Variants in WHAMM observed in about 807,000 individuals in gnomAD.
The protein encoded by WHAMM is WASP homolog-associated protein with actin, membranes and microtubules.
Under a neutral mutation model 76.5 loss-of-function variants are expected in WHAMM, and 67 were observed. The observed-to-expected ratio is 0.88, with a 90% CI of 0.72 to 1.07. WHAMM has a LOEUF of 1.07. Ranked by LOEUF, WHAMM falls within the 50% of genes least tolerant of loss-of-function variation. WHAMM has a pLI of 0.00. For missense variants in WHAMM, 1,021 were observed against 1,051.1 expected, an observed-to-expected ratio of 0.97 and a Z score of 0.40; for synonymous variants, 419 against 422.1, an observed-to-expected ratio of 0.99 and a Z score of 0.09.
At chr15:82,826,214 A>G (rs1290877363) in intron 6 of WHAMM, among the ~76,000 whole-genome samples, 196 bp from the exon 7 acceptor site, 1 of 152,242 alleles carries the variant, frequency 6.6e-6, no homozygotes, top group African/African-American at 2.4e-5. Context: ...TCTGCTGGGA[A>G]CAAATTATTT....
intron 1 of WHAMM, chr15:82,810,696 A>G: frequency 1.0e-6 from 1 of 985,492 alleles, no homozygotes; most frequent in Non-Finnish European, 1.2e-6. Flanking sequence ...AGGAAAGAAT[A>G]ACACGGACTA....
At position 82,830,926 on chromosome 15, in the gene WHAMM, C is replaced by G; in HGVS notation, c.1969C>G (p.Pro657Ala). The change falls in exon 9 of 10, where the codon CCT (proline) becomes GCT (alanine). Residue 657 changes from proline (P) to alanine (A), a missense_variant. Pro to Ala is a conservative substitution (Grantham distance 27). Around this residue, in one of 3 missense-constraint regions of WHAMM, gnomAD observed 509 missense variants for 492.3 expected, o/e 1.03. Transcript: ENST00000286760. ...PPPPPPPPPP[P>A]PLRALSSSSQ... ...ACCGCCGCCACCGCCGCCCCCACCC[C>G]CTCCTCTCCGTGCTCTGTCCTCATC... is the stretch of plus-strand genomic sequence containing the variant. 1.2e-6 allele frequency: 2 copies of G among 1,608,924 alleles called. No individual in the cohort carries two copies. Among genetic ancestry groups the G allele is most frequent in the South Asian group, 1.1e-5 (1 of 90,586 alleles).
At chr15:82,815,807 G>C (rs181939860) in intron 2 of WHAMM, among the ~76,000 whole-genome samples, 97 of 152,264 alleles carry the variant, frequency 6.4e-4, no homozygotes, top group African/African-American at 2.2e-3. Flanking sequence ...GTAATTCCTT[G>C]TCGGCTAACT....
At chr15:82,816,627 C>A in intron 2 of WHAMM, 65 bp from the exon 3 acceptor site, 1 of 1,452,434 alleles carries the variant, frequency 6.9e-7, no homozygotes, top group East Asian at 2.5e-5. Context: ...AATTTCCTTT[C>A]AATTTCCTAA....
intron 8 of WHAMM, among the ~76,000 whole-genome samples, chr15:82,829,659 G>T (rs2050994745): frequency 6.6e-6 from 1 of 151,254 alleles, no homozygotes; most frequent in Admixed American, 6.6e-5. Context: ...GATTGCATGG[G>T]GTGTGTGTGT....
chr15:82,824,013 G>T (rs1013491211), intron 6 of WHAMM, among the ~76,000 whole-genome samples: 1 of 151,926 alleles, frequency 6.6e-6, no homozygotes, highest in East Asian at 1.9e-4. Flanking sequence ...TATATTTGGT[G>T]ATTTTTTTTC....
chr15:82,831,293 TTTGAAG>T (rs1300502851), intron 9 of WHAMM, among the ~76,000 whole-genome samples: 1 of 152,212 alleles, frequency 6.6e-6, no homozygotes, highest in Non-Finnish European at 1.5e-5. Flanking sequence ...GTTAATTCAG[TTTGAAG>T]AAACCATCTC....
chr15:82,827,302 TTC>T (rs2050951997), intron 8 of WHAMM, among the ~76,000 whole-genome samples: 1 of 152,134 alleles, frequency 6.6e-6, no homozygotes, highest in Admixed American at 6.5e-5. Flanking sequence ...ATCTACAACT[TTC>T]TTTTTTCTTT....
At chr15:82,811,117 G>T (rs747849935) in intron 1 of WHAMM, among the ~76,000 whole-genome samples, 3 of 152,202 alleles carry the variant, frequency 2.0e-5, no homozygotes, top group Non-Finnish European at 4.4e-5. Flanking sequence ...GTGAAGAGAA[G>T]AATTCAGCCT....
intron 7 of WHAMM, 55 bp downstream of exon 7, chr15:82,826,551 C>G: frequency 1.3e-6 from 2 of 1,596,828 alleles, no homozygotes; most frequent in South Asian, 1.1e-5. Context: ...ACATGCAGGC[C>G]TAGACTTGTG....
chr15:82,828,568 A>G (rs773414362), intron 8 of WHAMM, among the ~76,000 whole-genome samples: 3 of 152,200 alleles, frequency 2.0e-5, no homozygotes, highest in Non-Finnish European at 4.4e-5. Flanking sequence ...AAGGGATCCA[A>G]GGGCAACCAG....
chr15:82,826,131 A>G (rs904627192), intron 6 of WHAMM, among the ~76,000 whole-genome samples: 4 of 152,206 alleles, frequency 2.6e-5, no homozygotes, highest in African/African-American at 9.6e-5. Flanking sequence ...GTTGGGACAC[A>G]TCCCATTTAA....
chr15:82,816,879 AATTG>A, intron 3 of WHAMM, 37 bp downstream of exon 3: 2 of 1,530,948 alleles, frequency 1.3e-6, no homozygotes, highest in Non-Finnish European at 1.8e-6. Context: ...AGATACATGT[AATTG>A]ATTATCATTT....
intron 5 of WHAMM, among the ~76,000 whole-genome samples, chr15:82,821,269 T>A (rs1177231067): frequency 1.3e-5 from 2 of 152,220 alleles, no homozygotes; most frequent in Admixed American, 6.5e-5. Context: ...GTTTATCAAT[T>A]TTTTTCCCCA....
In WHAMM at chr15:82,810,245, G is replaced by C. The variant is rs1254369074; in HGVS notation, c.519G>C (p.Glu173Asp). The C allele has an allele frequency of 5.7e-6, 8 of 1,396,834 alleles. No individual in the cohort carries two copies. The highest frequency in any genetic ancestry group is 3.0e-5 in the African/African-American group (2 of 66,208). The allele number at this position is 1,396,834 out of a possible 1,614,324, so 86.5% of individuals were successfully genotyped here. Residue 173 changes from glutamate to aspartate, a missense_variant, in exon 1 of 10, where the codon GAG (glutamate) becomes GAC (aspartate). Physicochemically the swap from Glu to Asp is conservative, Grantham distance 45. Coordinates refer to ENST00000286760, the MANE Select transcript of WHAMM (RefSeq NM_001080435.3). Reference protein sequence around the residue: ...ATVRDALFPAEGGAADCESPR... With the variant: ...ATVRDALFPADGGAADCESPR... ...TGCGCGACGCACTCTTCCCGGCTGA[G>C]GGCGGCGCGGCCGACTGCGAAAGCC... is the stretch of plus-strand genomic sequence containing the variant.
intron 7 of WHAMM, 114 bp downstream of exon 7, chr15:82,826,610 T>G (rs1411999286): frequency 1.5e-5 from 24 of 1,581,212 alleles, no homozygotes; most frequent in Non-Finnish European, 1.5e-5. Context: ...GCCATTAGCC[T>G]CCAGGTCTGC....
In WHAMM at chr15:82,823,212, C is replaced by A; in HGVS notation, c.1383C>A (p.Leu461=). The A allele has an allele frequency of 6.3e-7, 1 of 1,588,744 alleles. No homozygotes were observed. Among genetic ancestry groups the A allele is most frequent in the Non-Finnish European group, 8.6e-7 (1 of 1,164,958 alleles). The part of the protein sequence containing the change: ...QDDKNLEVKE[L]RRQCQQLESK... ...ATAAGAATTTGGAAGTGAAAGAACT[C>A]AGAAGGCAGTGCCAGCAGCTGGAGT... Residue 461 remains leucine, a synonymous_variant, in exon 6 of 10, where the codon CTC becomes CTA. Coordinates refer to ENST00000286760, the MANE Select transcript of WHAMM (RefSeq NM_001080435.3).
intron 2 of WHAMM, among the ~76,000 whole-genome samples, chr15:82,813,516 A>G (rs2050666013): frequency 6.6e-6 from 1 of 152,076 alleles, no homozygotes; most frequent in South Asian, 2.1e-4. Context: ...ACATGTGCCT[A>G]GTTTACCCTT....
chr15:82,819,505 T>A lies in WHAMM; in HGVS notation c.1270+17T>A. ...TTATAAAAGGTAAAATTTAAGTATA[T>A]AGATTGCAATGTTTAAATTATAAAT... On this transcript the variant is annotated intron_variant, in intron 5 of 9. Transcript: ENST00000286760. The A allele has an allele frequency of 8.8e-7, 1 of 1,134,234 alleles. No homozygotes were observed. Among genetic ancestry groups the A allele is most frequent in the Non-Finnish European group, 1.2e-6 (1 of 839,322 alleles). The allele number at this position is 1,134,234 out of a possible 1,614,324, so 70.3% of individuals were successfully genotyped here. A position where few individuals can be genotyped will look rare whatever the true frequency, so the allele number is the denominator to read the frequency against.
Sources: gnomAD v4.1 joint callset for allele counts (sites outside exome capture counted in the v4.1 genomes callset) on GRCh38, gnomAD v4.1.1 for gene constraint, gnomAD v4.1.1 regional missense constraint, MANE v1.5 for transcripts, NCBI Gene and HGNC (gene_info 2026-07-23, HGNC 2026-07-21) for gene names.